Variants in PSKH1 observed in about 807,000 individuals in gnomAD.
The protein encoded by PSKH1 is protein serine kinase H1.
PSKH1 carries 12 observed loss-of-function variants against 26.7 expected under a neutral mutation model. The ratio of observed to expected loss-of-function variants is 0.45; its 90% CI spans 0.29 to 0.73. PSKH1 has a LOEUF of 0.73. PSKH1 is among the 30% of genes least tolerant of loss of function. The pLI, the probability that PSKH1 is intolerant of heterozygous loss-of-function variation, is 0.11. For missense variants in PSKH1, 431 were observed against 595.2 expected (o/e 0.72, Z 2.87); for synonymous variants, 213 against 234.3 (o/e 0.91, Z 0.83).
intron 1 of PSKH1, chr16:67,903,002 T>C (rs1335588461): frequency 1.3e-5 from 2 of 152,202 alleles, no homozygotes; most frequent in Non-Finnish European, 2.9e-5. Context: ...ACCTTGGTTC[T>C]AAATGCCTTT....
rs200502249 is a variant in PSKH1 at position 67,908,905 on chromosome 16, C to T, written c.156C>T (p.Phe52=). 8 of 1,614,154 alleles carry T rather than the reference C, an allele frequency of 5.0e-6. No homozygotes were observed. The East Asian group carries it at 1.8e-4, about 36-fold the overall frequency. Residue 52 remains phenylalanine (F), a synonymous_variant, in exon 2 of 3, where the codon TTC becomes TTT. Coordinates refer to ENST00000291041, the MANE Select transcript of PSKH1 (RefSeq NM_006742.3). ...GTGTTGGCCCTGTCAAAGCCGGGTTCCCAGCAGCAAGTCAGTATGCACACC... is the reference window on the plus strand; with the variant it reads ...GTGTTGGCCCTGTCAAAGCCGGGTTTCCAGCAGCAAGTCAGTATGCACACC... ...VDSVGPVKAG[F]PAASQYAHPC...
intron 2 of PSKH1, among the ~76,000 whole-genome samples, chr16:67,911,337 A>T (rs1219364127): frequency 6.6e-6 from 1 of 152,176 alleles, no homozygotes; most frequent in Non-Finnish European, 1.5e-5. Flanking sequence ...CTTTCCTCCC[A>T]GGGGTGTGGG....
rs2058227462 is a variant in PSKH1, at chr16:67,928,678, T to A, written c.*1036T>A. The A allele has an allele frequency of 6.6e-6, 1 of 152,540 alleles. No individual in the cohort carries two copies. The highest frequency in any genetic ancestry group is 2.4e-5 in the African/African-American group (1 of 41,438). The allele number at this position is 152,540 out of a possible 1,614,324, so 9.4% of individuals were successfully genotyped here. ...GCGCCATCTGGTGTCTGCATGGGTG[T>A]TGGCAGCCTGGGAGTGATCACTGCA... On this transcript the variant is annotated 3_prime_UTR_variant, in exon 3 of 3. Coordinates refer to ENST00000291041, the MANE Select transcript of PSKH1 (RefSeq NM_006742.3). This position sits in a 1 kb window ranked among gnomAD's most constrained non-coding sequence, Gnocchi z 4.8.
chr16:67,922,105 A>T (rs140151066), intron 2 of PSKH1, among the ~76,000 whole-genome samples: 4,484 of 151,326 alleles, frequency 0.03, 94 homozygotes, highest in Middle Eastern at 0.16. Flanking sequence ...GCCGAGTCCC[A>T]GGGTGGTAGA....
chr16:67,928,353 C>T lies in PSKH1; in HGVS notation c.*711C>T, dbSNP rs878943374. 2 of 152,822 alleles carry T rather than the reference C, an allele frequency of 1.3e-5. No individual in the cohort carries two copies. Among genetic ancestry groups the T allele is most frequent in the South Asian group, 4.1e-4 (2 of 4,826 alleles). 9.5% of individuals were successfully genotyped at this position (152,822 alleles called of 1,614,324 possible). A position where few individuals can be genotyped will look rare whatever the true frequency, so the allele number is the denominator to read the frequency against. The stretch of plus-strand genomic sequence containing the variant: ...CATCGGCTTGCCCAGGCTCCAGCCT[C>T]TCCAGATTCTGAGGGGTCTCAGCCC... On this transcript the variant is annotated 3_prime_UTR_variant, in exon 3 of 3. Coordinates refer to ENST00000291041, the MANE Select transcript of PSKH1 (RefSeq NM_006742.3). This position sits in a 1 kb window ranked among gnomAD's most constrained non-coding sequence, Gnocchi z 4.8.
At position 67,909,130 on chromosome 16, in the gene PSKH1, G is replaced by A. The variant is rs139324496; in HGVS notation, c.381G>A (p.Lys127=). The change falls in exon 2 of 3, where the codon AAG becomes AAA. Residue 127 remains lysine, a synonymous_variant. Coordinates refer to ENST00000291041, the MANE Select transcript of PSKH1 (RefSeq NM_006742.3). This position sits in a 1 kb window ranked among gnomAD's most constrained non-coding sequence, Gnocchi z 7.8. The stretch of plus-strand genomic sequence containing the variant: ...CAACCCGGCAGCCGTATGCCATCAA[G>A]ATGATTGAGACCAAGTACCGGGAGG... ...HRATRQPYAI[K]MIETKYREGR... is the part of the protein sequence containing the mutation. The A allele has an allele frequency of 1.9e-6, 3 of 1,614,090 alleles. No individual in the cohort carries two copies. Among genetic ancestry groups the A allele is most frequent in the Non-Finnish European group, 2.5e-6 (3 of 1,180,058 alleles).
At position 67,927,757 on chromosome 16, in the gene PSKH1, ATGTC is replaced by A. The variant is rs1239887235; in HGVS notation, c.*118_*121del. The stretch of plus-strand genomic sequence containing the variant: ...CTATGTGGCCCACAGTAGGTGAAGA[ATGTC>A]TGGCTCCAGCCCTTTCTCTGTGCCT... On this transcript the variant is annotated 3_prime_UTR_variant, in exon 3 of 3. Transcript: ENST00000291041. This position sits in a 1 kb window ranked among gnomAD's most constrained non-coding sequence, Gnocchi z 5.5. 8.1e-7 allele frequency: 1 copy of A among 1,238,038 alleles called. No homozygotes were observed. Among genetic ancestry groups the A allele is most frequent in the Non-Finnish European group, 1.1e-6 (1 of 908,026 alleles). 76.7% of individuals were successfully genotyped at this position (1,238,038 alleles called of 1,614,324 possible).
At position 67,927,031 on chromosome 16, in the gene PSKH1, C is replaced by CG. The variant is rs890119947; in HGVS notation, c.958-287dup. On this transcript the variant is annotated intron_variant, in intron 2 of 2. Coordinates refer to ENST00000291041, the MANE Select transcript of PSKH1 (RefSeq NM_006742.3). The surrounding 1 kb of genome is among the most constrained non-coding windows in gnomAD (Gnocchi z 5.5). The stretch of plus-strand genomic sequence containing the variant: ...AGTTATGATACTCCTGGGACAAGTT[C>CG]GGGGGGGTCTTGGCAGAGGCCATCT... 1.5e-4 allele frequency among the ~76,000 whole-genome samples: 23 copies of CG among 152,198 alleles called. No homozygotes were observed. The highest frequency in any genetic ancestry group is 3.4e-3 in the Middle Eastern group (1 of 294).
intron 2 of PSKH1, among the ~76,000 whole-genome samples, chr16:67,911,706 A>G (rs1276091351): frequency 6.6e-6 from 1 of 152,190 alleles, no homozygotes; most frequent in African/African-American, 2.4e-5. Context: ...GAGTCACCCA[A>G]CAGCCTCACA....
At chr16:67,899,752 A>G (rs2058136845) in intron 1 of PSKH1, among the ~76,000 whole-genome samples, 1 of 151,056 alleles carries the variant, frequency 6.6e-6, no homozygotes, top group Non-Finnish European at 1.5e-5. Flanking sequence ...GGTTCAAGCG[A>G]TTTTCCAGCC....
At chr16:67,902,074 A>G (rs1308127691) in intron 1 of PSKH1, among the ~76,000 whole-genome samples, 1 of 152,000 alleles carries the variant, frequency 6.6e-6, no homozygotes, top group Non-Finnish European at 1.5e-5. Context: ...AGTCTGGCCA[A>G]TGTGTTGTAA....
At chr16:67,921,973 CTT>C (rs199826112) in intron 2 of PSKH1, among the ~76,000 whole-genome samples, 1 of 146,248 alleles carries the variant, frequency 6.8e-6, no homozygotes. Context: ...TTATTCTCTG[CTT>C]TTTTTTTTTT....
rs1281735625 is a variant in PSKH1, at chr16:67,909,109, C to T, written c.360C>T (p.Thr120=). The T allele has an allele frequency of 1.2e-6, 2 of 1,614,026 alleles. No individual in the cohort carries two copies. The highest frequency in any genetic ancestry group is 1.3e-5 in the African/African-American group (1 of 74,916). ...SRVVRVEHRA[T]RQPYAIKMIE... Reference sequence around the variant, plus strand: ...TGGTACGTGTAGAGCACCGGGCAACCCGGCAGCCGTATGCCATCAAGATGA... The same window carrying T: ...TGGTACGTGTAGAGCACCGGGCAACTCGGCAGCCGTATGCCATCAAGATGA... Residue 120 remains threonine, a synonymous_variant, in exon 2 of 3, where the codon ACC becomes ACT. Coordinates refer to ENST00000291041, the MANE Select transcript of PSKH1 (RefSeq NM_006742.3). The surrounding 1 kb of genome is among the most constrained non-coding windows in gnomAD (Gnocchi z 7.8).
rs1350625649 is a variant in PSKH1, at chr16:67,928,442, T to A, written c.*800T>A. On this transcript the variant is annotated 3_prime_UTR_variant, in exon 3 of 3. Coordinates refer to ENST00000291041, the MANE Select transcript of PSKH1 (RefSeq NM_006742.3). The surrounding 1 kb of genome is among the most constrained non-coding windows in gnomAD (Gnocchi z 4.8). ...CTCCCTCTCCCCGTTGGATGTCCAT[T>A]CCATTCCCCAGGTGCCTCCTTCCCA... is the stretch of plus-strand genomic sequence containing the variant. The A allele has an allele frequency of 6.6e-6, 1 of 152,638 alleles. No homozygotes were observed. The highest frequency in any genetic ancestry group is 1.9e-4 in the East Asian group (1 of 5,188). The allele number at this position is 152,638 out of a possible 1,614,324, so 9.5% of individuals were successfully genotyped here. A position where few individuals can be genotyped will look rare whatever the true frequency, so the allele number is the denominator to read the frequency against.
intron 1 of PSKH1, among the ~76,000 whole-genome samples, chr16:67,898,203 C>T (rs934048369): frequency 6.6e-6 from 1 of 152,036 alleles, no homozygotes; most frequent in Non-Finnish European, 1.5e-5. Context: ...ACAGGCAGAT[C>T]ACTTGGGCTC....
In PSKH1 at chr16:67,895,232, T is replaced by G. The variant is rs574454605; in HGVS notation, c.-71+1861T>G. On this transcript the variant is annotated intron_variant, in intron 1 of 2. Coordinates refer to ENST00000291041, the MANE Select transcript of PSKH1 (RefSeq NM_006742.3). ...GCCACTATGCCTGGCTGAGATTTTT[T>G]TTTTTTTGTTTAAACAGAGACGAGG... is the stretch of plus-strand genomic sequence containing the variant. 4.0e-5 allele frequency among the ~76,000 whole-genome samples: 6 copies of G among 151,898 alleles called. No individual in the cohort carries two copies. The South Asian group carries it at 1.2e-3, about 32-fold the overall frequency.
At chr16:67,926,002 AC>A (rs908141127) in intron 2 of PSKH1, among the ~76,000 whole-genome samples, 2 of 151,212 alleles carry the variant, frequency 1.3e-5, no homozygotes, top group Admixed American at 1.3e-4. Context: ...ATCCTCCTGA[AC>A]CCCCTGGAGG....
intron 1 of PSKH1, among the ~76,000 whole-genome samples, chr16:67,907,364 A>C (rs1393497595): frequency 6.9e-6 from 1 of 144,258 alleles, no homozygotes; most frequent in Non-Finnish European, 1.5e-5. Flanking sequence ...GGGTTCAAGC[A>C]ATTCTTCTGC....
intron 1 of PSKH1, among the ~76,000 whole-genome samples, chr16:67,893,888 G>C (rs2058119078): frequency 6.6e-6 from 1 of 152,188 alleles, no homozygotes; most frequent in Non-Finnish European, 1.5e-5. Flanking sequence ...GGGAAGCCTA[G>C]TCCCCCACAC....
Sources: allele counts gnomAD v4.1 joint callset (sites outside exome capture counted in the v4.1 genomes callset), GRCh38; gene constraint gnomAD v4.1.1; non-coding constraint Gnocchi (gnomAD v3.1); transcripts MANE v1.5; gene names NCBI Gene and HGNC (gene_info 2026-07-23, HGNC 2026-07-21).